PCCB: variants seen among roughly 807,000 people sequenced by gnomAD.
The protein encoded by PCCB is propionyl-CoA carboxylase subunit beta, also known as propionyl-CoA carboxylase beta chain, mitochondrial.
Under a neutral mutation model 60.7 loss-of-function variants are expected in PCCB, and 43 were observed. That is an observed-to-expected ratio of 0.71 (90% CI 0.55 to 0.91). The LOEUF is 0.91. Among genes scored for constraint, PCCB ranks in the 40% least tolerant of loss-of-function variants. The probability of loss-of-function intolerance (pLI) is 0.00; values close to 1 mark genes in which losing one functional copy is unlikely to be tolerated. For synonymous variants in PCCB, 276 were observed against 255.9 expected, an observed-to-expected ratio of 1.08 and a Z score of -0.75; for missense variants, 766 against 702.8, an observed-to-expected ratio of 1.09 and a Z score of -1.02.
chr3:136,299,422 ATATG>A lies in PCCB; in HGVS notation c.884+1355_884+1358del, dbSNP rs548129500. ...TGCTTATGTATATGCATATGTATGTATATGTATGCTTATGTATATATGCATATGT... is the reference window on the plus strand; with the variant it reads ...TGCTTATGTATATGCATATGTATGTATATGCTTATGTATATATGCATATGT... On this transcript the variant is annotated intron_variant, in intron 8 of 14. Transcript: ENST00000251654. 1.3e-4 allele frequency among the ~76,000 whole-genome samples: 20 copies of A among 152,120 alleles called. No homozygotes were observed. The East Asian group carries it at 3.3e-3, about 25-fold the overall frequency.
At chr3:136,259,752 A>G (rs550861708) in intron 3 of PCCB, among the ~76,000 whole-genome samples, 2 of 152,240 alleles carry the variant, frequency 1.3e-5, no homozygotes, top group South Asian at 2.1e-4. Flanking sequence ...TTTAAAAACT[A>G]TATGTATGTA....
rs774180307 is a variant in PCCB, at chr3:136,328,748, C to G, written c.1399-10C>G. Reference sequence around the variant, plus strand: ...CGACCAAAGATGTTCATGAACTCCTCTAATCACAGGGCGCTGTGGAGATCA... The same window carrying G: ...CGACCAAAGATGTTCATGAACTCCTGTAATCACAGGGCGCTGTGGAGATCA... On this transcript the variant is annotated splice_polypyrimidine_tract_variant and intron_variant, in intron 13 of 14. Coordinates refer to ENST00000251654, the MANE Select transcript of PCCB (RefSeq NM_000532.5). 6.2e-7 allele frequency: 1 copy of G among 1,609,638 alleles called. No homozygotes were observed. Among genetic ancestry groups the G allele is most frequent in the Non-Finnish European group, 8.5e-7 (1 of 1,176,064 alleles).
At chr3:136,299,849 T>G (rs988251711) in intron 8 of PCCB, among the ~76,000 whole-genome samples, 200 of 150,396 alleles carry the variant, frequency 1.3e-3, no homozygotes, top group East Asian at 3.7e-3. Flanking sequence ...TGTATGTATA[T>G]GCATGCATAT....
At chr3:136,270,038 CCTTT>C (rs1252487306) in intron 5 of PCCB, among the ~76,000 whole-genome samples, 14 of 120,780 alleles carry the variant, frequency 1.2e-4, no homozygotes, top group African/African-American at 4.4e-4. Flanking sequence ...TGAGGAAGTT[CCTTT>C]CTACTTCTAA....
At chr3:136,320,825 G>A (rs2108230813) in intron 10 of PCCB, among the ~76,000 whole-genome samples, 1 of 152,084 alleles carries the variant, frequency 6.6e-6, no homozygotes, top group South Asian at 2.1e-4. Context: ...TATTTTTCTT[G>A]TCTAATTGCT....
At chr3:136,300,769 AAG>A (rs919071813) in intron 8 of PCCB, among the ~76,000 whole-genome samples, 4 of 152,212 alleles carry the variant, frequency 2.6e-5, no homozygotes, top group Admixed American at 2.6e-4. Context: ...AGATAAATGA[AAG>A]AATAACGTTT....
chr3:136,293,811 A>G lies in PCCB; in HGVS notation c.710A>G (p.Glu237Gly). Residue 237 changes from glutamate (E) to glycine (G), a missense_variant, in exon 7 of 15, where the codon GAG becomes GGG. Glu to Gly is a moderately conservative substitution (Grantham distance 98). Coordinates refer to ENST00000251654, the MANE Select transcript of PCCB (RefSeq NM_000532.5). ...GATGTTGTGAAGTCTGTCACCAATG[A>G]GGATGTTACCCAGGAGGAGCTCGGT... The part of the protein sequence containing the change: ...GPDVVKSVTN[E>G]DVTQEELGGA... 1 of 1,613,670 alleles carries G rather than the reference A, an allele frequency of 6.2e-7. No homozygotes were observed. Among genetic ancestry groups the G allele is most frequent in the Non-Finnish European group, 8.5e-7 (1 of 1,179,606 alleles).
At chr3:136,270,671 A>G (rs1410902919) in intron 5 of PCCB, among the ~76,000 whole-genome samples, 5 of 151,922 alleles carry the variant, frequency 3.3e-5, no homozygotes, top group Admixed American at 6.6e-5. Context: ...ACACCCATCT[A>G]ATTTTTGTAT....
intron 4 of PCCB, 128 bp from the exon 5 acceptor site, chr3:136,261,824 A>G (rs1941834267): frequency 1.4e-6 from 1 of 705,192 alleles, no homozygotes; most frequent in Admixed American, 2.0e-5. Context: ...GAGTGAAACC[A>G]GTGTTACTGC....
At chr3:136,289,688 G>T (rs968971996) in intron 6 of PCCB, among the ~76,000 whole-genome samples, 1 of 149,542 alleles carries the variant, frequency 6.7e-6, no homozygotes, top group Non-Finnish European at 1.5e-5. Context: ...TTTTCTTTTT[G>T]TTGTATTTGT....
At chr3:136,295,269 T>C (rs1933880365) in intron 7 of PCCB, among the ~76,000 whole-genome samples, 1 of 152,226 alleles carries the variant, frequency 6.6e-6, no homozygotes, top group Non-Finnish European at 1.5e-5. Context: ...CATTTAATTG[T>C]CAGCATTTCT....
At chr3:136,296,542 C>T (rs900031491) in intron 7 of PCCB, among the ~76,000 whole-genome samples, 8 of 152,100 alleles carry the variant, frequency 5.3e-5, no homozygotes, top group Non-Finnish European at 1.0e-4. Context: ...TTCCACTTTT[C>T]GGCTATCATA....
At chr3:136,295,446 A>T (rs1353795141) in intron 7 of PCCB, among the ~76,000 whole-genome samples, 6 of 152,198 alleles carry the variant, frequency 3.9e-5, no homozygotes, top group African/African-American at 1.2e-4. Flanking sequence ...ACCTATCAGC[A>T]TCATTTAGCC....
At chr3:136,297,370 C>T (rs1038076149) in intron 7 of PCCB, among the ~76,000 whole-genome samples, 4 of 152,194 alleles carry the variant, frequency 2.6e-5, no homozygotes, top group Admixed American at 6.5e-5. Flanking sequence ...TTCTTGGCTC[C>T]GCTTTCTCCA....
intron 10 of PCCB, 135 bp downstream of exon 10, chr3:136,317,199 G>A (rs1030052207): frequency 2.9e-5 from 10 of 349,922 alleles, no homozygotes; most frequent in African/African-American, 5.7e-5. Context: ...CTAAATGGTT[G>A]TTATAAAAGC....
At chr3:136,316,006 G>A (rs544907145) in intron 9 of PCCB, among the ~76,000 whole-genome samples, 1 of 152,144 alleles carries the variant, frequency 6.6e-6, no homozygotes, top group Admixed American at 6.5e-5. Context: ...ATTGCTCAAG[G>A]CCAGGAATTG....
intron 5 of PCCB, among the ~76,000 whole-genome samples, chr3:136,276,044 T>G (rs1245771046): frequency 2.0e-5 from 3 of 152,224 alleles, no homozygotes; most frequent in African/African-American, 7.2e-5. Flanking sequence ...GTGTTGGGAT[T>G]ACAGGCGTGA....
At chr3:136,273,590 C>CTTTTTTTTT (rs1942257481) in intron 5 of PCCB, among the ~76,000 whole-genome samples, 19 of 65,620 alleles carry the variant, frequency 2.9e-4, no homozygotes, top group East Asian at 1.1e-3. Context: ...TTTTTTTTTT[C>CTTTTTTTTT]TTTTTTCTTT....
chr3:136,313,105 T>G (rs1278666343), intron 9 of PCCB, among the ~76,000 whole-genome samples: 2 of 152,148 alleles, frequency 1.3e-5, no homozygotes, highest in Non-Finnish European at 2.9e-5. Context: ...CATTGGAAAG[T>G]CAGTGGAGAA....
Sources: gnomAD v4.1 joint callset for allele counts (sites outside exome capture counted in the v4.1 genomes callset) on GRCh38, gnomAD v4.1.1 for gene constraint, MANE v1.5 for transcripts, NCBI Gene and HGNC (gene_info 2026-07-23, HGNC 2026-07-21) for gene names.